The following TMEM71 variants were observed in gnomAD, a reference collection of about 807,000 sequenced individuals.
TMEM71 encodes transmembrane protein 71.
A neutral mutation model predicts 38.0 loss-of-function variants in TMEM71; 44 were observed. The ratio of observed to expected loss-of-function variants is 1.16; its 90% CI spans 0.91 to 1.49. The LOEUF (loss-of-function observed/expected upper bound fraction) is 1.49, where lower values mean the gene tolerates loss of function less well. Among genes scored for constraint, TMEM71 ranks in the 40% most tolerant of loss-of-function variants. The pLI, the probability that TMEM71 is intolerant of heterozygous loss-of-function variation, is 0.00. For synonymous variants in TMEM71, 133 were observed against 122.5 expected (o/e 1.09, Z -0.56); for missense variants, 367 against 348.6 (o/e 1.05, Z -0.42).
chr8:132,746,944 T>A lies in TMEM71; in HGVS notation c.485A>T (p.Asn162Ile), dbSNP rs1828422620. 1.3e-6 allele frequency: 2 copies of A among 1,587,598 alleles called. No individual in the cohort carries two copies. Among genetic ancestry groups the A allele is most frequent in the South Asian group, 2.3e-5 (2 of 86,434 alleles). Residue 162 changes from asparagine (N) to isoleucine (I), a missense_variant and splice_region_variant, in exon 5 of 10, where the codon AAT (asparagine) becomes ATT (isoleucine). Coordinates refer to ENST00000677595, the MANE Select transcript of TMEM71 (RefSeq NM_001382403.1). ...RRLDTDHCNG[N>I]ADDLDCSSLT... The stretch of plus-strand genomic sequence containing the variant: ...TGGAAAGGAGGACTCAAACTCACCA[T>A]TTCCATTGCAATGGTCTGTGTCCAA...
At chr8:132,736,105 T>C (rs1013709610) in intron 5 of TMEM71, among the ~76,000 whole-genome samples, 2 of 152,160 alleles carry the variant, frequency 1.3e-5, no homozygotes, top group Admixed American at 1.3e-4. Context: ...AGCCTTGGTC[T>C]TCTTGGTTTT....
chr8:132,715,339 G>T (rs1228064082), intron 7 of TMEM71, among the ~76,000 whole-genome samples: 2 of 148,466 alleles, frequency 1.3e-5, no homozygotes, highest in African/African-American at 2.5e-5. Context: ...GAACCCGGGA[G>T]GCGGAGCTTG....
At chr8:132,753,041 A>G (rs1300094096) in intron 3 of TMEM71, among the ~76,000 whole-genome samples, 2 of 152,034 alleles carry the variant, frequency 1.3e-5, no homozygotes, top group Non-Finnish European at 2.9e-5. Flanking sequence ...TCTTTCTTCA[A>G]AACTGCTTGG....
At chr8:132,740,641 G>C (rs1357099485) in intron 5 of TMEM71, among the ~76,000 whole-genome samples, 4 of 152,192 alleles carry the variant, frequency 2.6e-5, no homozygotes, top group Admixed American at 1.3e-4. Flanking sequence ...TGGAAGAGCA[G>C]GATCCATTCA....
chr8:132,767,875 G>C, the TMEM71 span, among the ~76,000 whole-genome samples: 1 of 152,230 alleles, frequency 6.6e-6, no homozygotes, highest in Non-Finnish European at 1.5e-5. Context: ...GCATGTCTCT[G>C]AAGAACTTTC....
intron 6 of TMEM71, among the ~76,000 whole-genome samples, chr8:132,726,577 G>A (rs949275501): frequency 2.0e-5 from 3 of 152,148 alleles, no homozygotes; most frequent in Admixed American, 6.5e-5. Context: ...AGAGGGTTTG[G>A]TAAACTGCTT....
In TMEM71 at chr8:132,732,271, G is replaced by A. The variant is rs566921224; in HGVS notation, c.488-4285C>T. On this transcript the variant is annotated intron_variant, in intron 5 of 9. Coordinates refer to ENST00000677595, the MANE Select transcript of TMEM71 (RefSeq NM_001382403.1). ...CCAAGGAGGCTTCACAGAGGAGGCA[G>A]CGCTTCAGTGGAAACTGGAAGGATG... Among the ~76,000 whole-genome samples, 42 of 152,294 alleles carry A rather than the reference G, an allele frequency of 2.8e-4. 1 individual carries two copies. The South Asian group carries it at 8.3e-3, about 30-fold the overall frequency.
At chr8:132,737,453 CT>C in intron 5 of TMEM71, among the ~76,000 whole-genome samples, 1 of 152,296 alleles carries the variant, frequency 6.6e-6, no homozygotes. Flanking sequence ...TCTTCATATT[CT>C]TTTCTTTCAT....
intron 5 of TMEM71, among the ~76,000 whole-genome samples, chr8:132,730,965 CA>C (rs1312024276): frequency 2.6e-5 from 4 of 152,140 alleles, no homozygotes; most frequent in African/African-American, 4.8e-5. Flanking sequence ...CACTTATGGA[CA>C]GGGGAAACAG....
chr8:132,750,777 G>T (rs543640418), intron 4 of TMEM71, among the ~76,000 whole-genome samples: 1 of 152,094 alleles, frequency 6.6e-6, no homozygotes, highest in East Asian at 1.9e-4. Flanking sequence ...AGACATGCCC[G>T]TCCTTTCTTT....
upstream of TMEM71, among the ~76,000 whole-genome samples, chr8:132,762,885 A>G (rs1164744330): frequency 1.3e-5 from 2 of 152,232 alleles, no homozygotes; most frequent in Non-Finnish European, 2.9e-5. Flanking sequence ...AGCCCTAGAA[A>G]ATAAGTGCAA....
chr8:132,747,994 G>T (rs1310917355), intron 4 of TMEM71, among the ~76,000 whole-genome samples: 1 of 152,134 alleles, frequency 6.6e-6, no homozygotes, highest in African/African-American at 2.4e-5. Context: ...GAGGTCAGAG[G>T]GGTTAATCGA....
the TMEM71 span, among the ~76,000 whole-genome samples, chr8:132,771,838 G>A: frequency 6.6e-6 from 1 of 152,176 alleles, no homozygotes; most frequent in Admixed American, 6.5e-5. Flanking sequence ...ATGGCCTAGA[G>A]CTCCTATTGC....
chr8:132,763,757 C>T (rs181069214), upstream of TMEM71, among the ~76,000 whole-genome samples: 28 of 152,306 alleles, frequency 1.8e-4, no homozygotes, highest in East Asian at 5.2e-3. Flanking sequence ...GCAAATGAAT[C>T]ACAGAGGATC....
downstream of TMEM71, among the ~76,000 whole-genome samples, chr8:132,707,708 T>TA (rs1312779134): frequency 2.0e-5 from 3 of 152,200 alleles, no homozygotes; most frequent in Non-Finnish European, 4.4e-5. Flanking sequence ...TGTTTCTTTT[T>TA]AAAAATAAAG....
At chr8:132,733,149 T>C (rs1827552628) in intron 5 of TMEM71, among the ~76,000 whole-genome samples, 2 of 152,184 alleles carry the variant, frequency 1.3e-5, no homozygotes, top group Non-Finnish European at 2.9e-5. Context: ...GAATACATAA[T>C]TTCTGTGTGT....
intron 7 of TMEM71, among the ~76,000 whole-genome samples, chr8:132,714,503 T>C (rs912745784): frequency 4.1e-5 from 5 of 121,528 alleles, no homozygotes; most frequent in Non-Finnish European, 8.5e-5. Context: ...ATTGGATATT[T>C]ACATGCAAAA....
chr8:132,721,462 A>G (rs1197456535), intron 7 of TMEM71, among the ~76,000 whole-genome samples: 1 of 152,186 alleles, frequency 6.6e-6, no homozygotes, highest in East Asian at 1.9e-4. Flanking sequence ...TCTTTGGAGA[A>G]AAAGCAATCC....
chr8:132,726,453 T>C (rs747003520), intron 6 of TMEM71, among the ~76,000 whole-genome samples: 8 of 152,226 alleles, frequency 5.3e-5, no homozygotes, highest in Non-Finnish European at 1.2e-4. Context: ...ACTTCACATT[T>C]ACTGAGTATT....
Sources: allele counts gnomAD v4.1 joint callset (sites outside exome capture counted in the v4.1 genomes callset), GRCh38; gene constraint gnomAD v4.1.1; transcripts MANE v1.5; gene names NCBI Gene and HGNC (gene_info 2026-07-23, HGNC 2026-07-21).